The following NADK variants were observed in gnomAD, a reference collection of about 807,000 sequenced individuals.
NADK encodes the protein NAD kinase.
NADK carries 22 observed loss-of-function variants against 49.8 expected under a neutral mutation model. The observed-to-expected ratio is 0.44, with a 90% CI of 0.32 to 0.63. NADK has a LOEUF of 0.63. Ranked by LOEUF, NADK falls within the 30% of genes least tolerant of loss-of-function variation. The pLI is 0.06. For missense variants in NADK, 438 were observed against 609.4 expected (o/e 0.72, Z 2.96); for synonymous variants, 268 against 253.7 (o/e 1.06, Z -0.54).
At chr1:1,753,443 G>C (rs1645395961) in intron 11 of NADK, 124 bp downstream of exon 11, 1 of 744,968 alleles carries the variant, frequency 1.3e-6, no homozygotes, top group African/African-American at 1.8e-5. Context: ...AAGACCCAGG[G>C]ACTCAGGCCC....
At chr1:1,777,737 C>T (rs918739279) in intron 1 of NADK, among the ~76,000 whole-genome samples, 2 of 152,146 alleles carry the variant, frequency 1.3e-5, no homozygotes, top group East Asian at 1.9e-4. Flanking sequence ...AAGGCCGGTG[C>T]TGACATCTGA....
In NADK at chr1:1,754,292, T is replaced by G; in HGVS notation, c.935A>C (p.Gln312Pro). 1 of 1,613,716 alleles carries G rather than the reference T, an allele frequency of 6.2e-7. No individual in the cohort carries two copies. Among genetic ancestry groups the G allele is most frequent in the Non-Finnish European group, 8.5e-7 (1 of 1,179,940 alleles). ...YLDGHLITTV[Q>P]GDGVIVSTPT... ...AGTGCTGCGGGCCTTACCGTCGCCC[T>G]GCACCGTGGTGATGAGGTGTCCGTC... is the stretch of plus-strand genomic sequence containing the variant. The change falls in exon 9 of 12, where the codon CAG (glutamine) becomes CCG (proline). Residue 312 changes from glutamine to proline, a missense_variant. Coordinates refer to ENST00000341426, the MANE Select transcript of NADK (RefSeq NM_023018.5). The surrounding 1 kb of genome is among the most constrained non-coding windows in gnomAD (Gnocchi z 4.3).
At chr1:1,769,508 G>A (rs532393664) in intron 1 of NADK, among the ~76,000 whole-genome samples, 3 of 152,114 alleles carry the variant, frequency 2.0e-5, no homozygotes, top group African/African-American at 7.2e-5. Flanking sequence ...CCGATATCGC[G>A]CCATGGCACT....
Position 1,765,312 on chromosome 1 carries a change from C to T in NADK, c.95G>A (p.Trp32Ter). The change falls in exon 2 of 12, where the codon TGG (tryptophan) becomes TAG (stop). Residue 32 changes from tryptophan (W) to a stop codon, truncating the protein, a stop_gained. Transcript: ENST00000341426. LOFTEE classifies it high-confidence loss of function. ...GCCCCGGATGGGGTGGTTGTAACTCCAGGTCTCATCGCCGTGGCAGGCCGA... is the reference window on the plus strand; with the variant it reads ...GCCCCGGATGGGGTGGTTGTAACTCTAGGTCTCATCGCCGTGGCAGGCCGA... ...CCSACHGDET[W>*]SYNHPIRGRA... 6.2e-7 allele frequency: 1 copy of T among 1,613,680 alleles called. No homozygotes were observed. The highest frequency in any genetic ancestry group is 1.3e-5 in the African/African-American group (1 of 75,054).
intron 3 of NADK, chr1:1,759,181 C>G (rs757414973): frequency 2.5e-6 from 4 of 1,569,054 alleles, no homozygotes; most frequent in Non-Finnish European, 3.5e-6. Context: ...CGTCGTACAC[C>G]GGCCCAGGCA....
chr1:1,757,993 C>T (rs1001270849), intron 3 of NADK, among the ~76,000 whole-genome samples: 5 of 152,222 alleles, frequency 3.3e-5, no homozygotes, highest in Admixed American at 1.3e-4. Context: ...GGGCCCACCC[C>T]GGTGGGATTC....
At position 1,774,942 on chromosome 1, in the gene NADK, C is replaced by G. The variant is rs184954744; in HGVS notation, c.-41+3347G>C. Among the ~76,000 whole-genome samples, 3 of 152,064 alleles carry G rather than the reference C, an allele frequency of 2.0e-5. No homozygotes were observed. In the East Asian group the frequency reaches 5.8e-4, roughly 29 times the overall value. On this transcript the variant is annotated intron_variant, in intron 1 of 11. Transcript: ENST00000341426. ...CCAAGATGGTGAAACTCCGTCTCTACTAAAAATACAAAAAAAATTAGCTGG... is the reference window on the plus strand; with the variant it reads ...CCAAGATGGTGAAACTCCGTCTCTAGTAAAAATACAAAAAAAATTAGCTGG...
chr1:1,758,649 A>G, intron 3 of NADK: 1 of 1,421,764 alleles, frequency 7.0e-7, no homozygotes, highest in Non-Finnish European at 9.2e-7. Context: ...AACTAAGTCA[A>G]AAGAGCTTCC....
Position 1,755,406 on chromosome 1 carries a change from T to C in NADK, c.656A>G (p.Asn219Ser). 6.2e-7 allele frequency: 1 copy of C among 1,613,898 alleles called. No individual in the cohort carries two copies. The highest frequency in any genetic ancestry group is 8.5e-7 in the Non-Finnish European group (1 of 1,179,948). Residue 219 changes from asparagine (N) to serine (S), a missense_variant, in exon 7 of 12, where the codon AAC (asparagine) becomes AGC (serine). Asn to Ser is a conservative substitution (Grantham distance 46, BLOSUM62 1). Coordinates refer to ENST00000341426, the MANE Select transcript of NADK (RefSeq NM_023018.5). ...CACCTGAGTAACTTGGGACTGAAAG[T>C]TCTCAAAGCTGAATGGGGTCAGGAA... ...LGFLTPFSFE[N>S]FQSQVTQVIE... is the part of the protein sequence containing the mutation.
In NADK at chr1:1,764,384, G is replaced by A. The variant is rs548422297; in HGVS notation, c.179+844C>T. 3.9e-5 allele frequency among the ~76,000 whole-genome samples: 6 copies of A among 152,244 alleles called. No homozygotes were observed. The East Asian group carries it at 7.7e-4, about 20-fold the overall frequency. On this transcript the variant is annotated intron_variant, in intron 2 of 11. Coordinates refer to ENST00000341426, the MANE Select transcript of NADK (RefSeq NM_023018.5). ...GCCACCGTCATGCAAAGCCCGGGGC[G>A]CTGTTGCCCAAGCAGCATTGTGCAA...
intron 3 of NADK, among the ~76,000 whole-genome samples, chr1:1,758,009 A>C (rs1645585144): frequency 6.6e-6 from 1 of 152,086 alleles, no homozygotes; most frequent in East Asian, 1.9e-4. Flanking sequence ...GATTCCCATT[A>C]CCACGTTAGT....
chr1:1,753,863 T>C (rs979272770), intron 10 of NADK, among the ~76,000 whole-genome samples, 188 bp downstream of exon 10: 3 of 152,100 alleles, frequency 2.0e-5, no homozygotes, highest in African/African-American at 4.8e-5. Flanking sequence ...CCTGGGCACC[T>C]TGATGGACAG....
rs538580250 is a variant in NADK, at chr1:1,754,149, T to C, written c.1003A>G (p.Met335Val). 4.5e-5 allele frequency: 72 copies of C among 1,612,154 alleles called. No individual in the cohort carries two copies. In the East Asian group the frequency reaches 8.9e-4, roughly 20 times the overall value. Residue 335 changes from methionine (M) to valine (V), a missense_variant, in exon 10 of 12, where the codon ATG becomes GTG. Transcript: ENST00000341426. This position sits in a 1 kb window ranked among gnomAD's most constrained non-coding sequence, Gnocchi z 4.3. ...ATGGCCGGCACGTTGGGGTGGATCA[T>C]GGAGGCCCCGGCCGCGGCCGCATAC... Reference protein sequence around the residue: ...TAYAAAAGASMIHPNVPAIMI... With the variant: ...TAYAAAAGASVIHPNVPAIMI...
At chr1:1,779,070 C>A (rs1337321036), upstream of NADK, 2 of 152,372 alleles carry the variant, frequency 1.3e-5, no homozygotes, top group Non-Finnish European at 2.9e-5. Flanking sequence ...CTGGGGGAAC[C>A]GCGATCGGCC....
chr1:1,754,922 A>C lies in NADK; in HGVS notation c.689-224T>G, dbSNP rs1303854826. ...CTGCAACCTCTGCCTCCCAGGTTCA[A>C]GTGATTCTCCTGCCTCAGCCTCCCA... is the stretch of plus-strand genomic sequence containing the variant. On this transcript the variant is annotated intron_variant, in intron 7 of 11. Transcript: ENST00000341426. This position sits in a 1 kb window ranked among gnomAD's most constrained non-coding sequence, Gnocchi z 4.3. 3 of 501,604 alleles carry C rather than the reference A, an allele frequency of 6.0e-6. No individual in the cohort carries two copies. The highest frequency in any genetic ancestry group is 3.5e-6 in the Non-Finnish European group (1 of 285,762). The allele number at this position is 501,604 out of a possible 1,614,324, so 31.1% of individuals were successfully genotyped here.
At position 1,776,577 on chromosome 1, in the gene NADK, A is replaced by C. The variant is rs535345169; in HGVS notation, c.-41+1712T>G. 2.1e-4 allele frequency among the ~76,000 whole-genome samples: 32 copies of C among 152,146 alleles called. 1 individual carries two copies. In the South Asian group the frequency reaches 3.3e-3, roughly 16 times the overall value. ...GATCACGAGGTCAGGAGTTCGAGAC[A>C]AGCCTGGCCAACACAGTGAAACCCG... On this transcript the variant is annotated intron_variant, in intron 1 of 11. Coordinates refer to ENST00000341426, the MANE Select transcript of NADK (RefSeq NM_023018.5).
At chr1:1,756,074 A>T in intron 6 of NADK, 184 bp downstream of exon 6, 1 of 635,180 alleles carries the variant, frequency 1.6e-6, no homozygotes, top group Non-Finnish European at 2.8e-6. Context: ...CACTGTGTCC[A>T]CACTGCCCCT....
intron 1 of NADK, among the ~76,000 whole-genome samples, chr1:1,765,790 G>A (rs1242421981): frequency 1.3e-5 from 2 of 152,040 alleles, no homozygotes; most frequent in East Asian, 1.9e-4. Context: ...GGCGCCTGTA[G>A]TCCTAGCTAC....
chr1:1,777,869 A>C (rs554672272), intron 1 of NADK, among the ~76,000 whole-genome samples: 2 of 152,298 alleles, frequency 1.3e-5, no homozygotes, highest in South Asian at 4.1e-4. Context: ...TGCTGTATAG[A>C]ATCTTTTATT....
Sources: allele counts gnomAD v4.1 joint callset (sites outside exome capture counted in the v4.1 genomes callset), GRCh38; gene constraint gnomAD v4.1.1; non-coding constraint Gnocchi (gnomAD v3.1); transcripts MANE v1.5; gene names NCBI Gene and HGNC (gene_info 2026-07-23, HGNC 2026-07-21).